ADAMTS3: variants seen among roughly 807,000 people sequenced by gnomAD.
The protein encoded by ADAMTS3 is A disintegrin and metalloproteinase with thrombospondin motifs 3.
A neutral mutation model predicts 129.0 loss-of-function variants in ADAMTS3; 73 were observed. The observed-to-expected ratio is 0.57, with a 90% CI of 0.47 to 0.69. The LOEUF (loss-of-function observed/expected upper bound fraction) is 0.69, where lower values mean the gene tolerates loss of function less well. ADAMTS3 is among the 30% of genes least tolerant of loss of function. ADAMTS3 has a pLI of 0.00. For synonymous variants in ADAMTS3, 477 were observed against 510.8 expected, an observed-to-expected ratio of 0.93 and a Z score of 0.89; for missense variants, 1,457 against 1,514.5, an observed-to-expected ratio of 0.96 and a Z score of 0.63.
chr4:72,370,416 T>G (rs997910470), intron 4 of ADAMTS3, among the ~76,000 whole-genome samples: 40 of 150,608 alleles, frequency 2.7e-4, no homozygotes, highest in Admixed American at 2.3e-3. Context: ...GCTTATTATA[T>G]CAATCTGCTT....
At chr4:72,448,190 C>T (rs541209932) in intron 3 of ADAMTS3, among the ~76,000 whole-genome samples, 79 of 151,788 alleles carry the variant, frequency 5.2e-4, no homozygotes, top group African/African-American at 1.9e-3. Flanking sequence ...TTTAAGTTTG[C>T]CAAAATCACG....
chr4:72,335,659 C>A (rs1560477231), intron 5 of ADAMTS3, among the ~76,000 whole-genome samples: 1 of 151,808 alleles, frequency 6.6e-6, no homozygotes, highest in East Asian at 1.9e-4. Context: ...TTAAAATTTA[C>A]CTAAATTTCA....
At chr4:72,495,602 T>A (rs1447954632) in intron 3 of ADAMTS3, among the ~76,000 whole-genome samples, 2 of 152,150 alleles carry the variant, frequency 1.3e-5, no homozygotes, top group Non-Finnish European at 2.9e-5. Flanking sequence ...CAGGTAAGGC[T>A]ACAAAGTTTA....
chr4:72,505,231 T>C lies in ADAMTS3; in HGVS notation c.504+43247A>G, dbSNP rs933374659. Among the ~76,000 whole-genome samples the C allele has an allele frequency of 3.3e-5, 5 of 152,184 alleles. No individual in the cohort carries two copies. In the East Asian group the frequency reaches 9.6e-4, roughly 29 times the overall value. The stretch of plus-strand genomic sequence containing the variant: ...TTATTTTCATGTGGGTAGGATTTTT[T>C]CTTTTTCTCTATAATACTGTTGTTT... On this transcript the variant is annotated intron_variant, in intron 3 of 21. Transcript: ENST00000286657.
intron 2 of ADAMTS3, among the ~76,000 whole-genome samples, chr4:72,560,570 C>A (rs1399510154): frequency 1.3e-5 from 2 of 152,128 alleles, no homozygotes; most frequent in Admixed American, 6.5e-5. Context: ...TTATCCTCAG[C>A]AAACTAACTC....
chr4:72,520,713 G>C (rs541808583), intron 3 of ADAMTS3, among the ~76,000 whole-genome samples: 1 of 152,110 alleles, frequency 6.6e-6, no homozygotes, highest in Non-Finnish European at 1.5e-5. Context: ...TATTCGGGTG[G>C]GATTGACCCG....
intron 3 of ADAMTS3, among the ~76,000 whole-genome samples, chr4:72,434,212 A>G (rs1378038982): frequency 6.6e-6 from 1 of 151,790 alleles, no homozygotes; most frequent in Non-Finnish European, 1.5e-5. Flanking sequence ...TTTTAGGTCC[A>G]AATATATGGT....
intron 4 of ADAMTS3, among the ~76,000 whole-genome samples, chr4:72,397,965 TAGA>T (rs1721768965): frequency 1.3e-5 from 2 of 152,066 alleles, no homozygotes. Flanking sequence ...TACTGCATTG[TAGA>T]AGAAGGAGAC....
chr4:72,451,196 GAGA>G (rs1161745227), intron 3 of ADAMTS3, among the ~76,000 whole-genome samples: 3 of 151,790 alleles, frequency 2.0e-5, no homozygotes, highest in South Asian at 2.1e-4. Context: ...TCTAAAACAG[GAGA>G]AGATCAAGTC....
intron 3 of ADAMTS3, among the ~76,000 whole-genome samples, chr4:72,520,708 G>A (rs371060321): frequency 7.9e-4 from 120 of 152,252 alleles, no homozygotes; most frequent in African/African-American, 2.8e-3. Context: ...CACAGTATTC[G>A]GGTGGGATTG....
chr4:72,320,671 A>G, intron 7 of ADAMTS3, 43 bp downstream of exon 7: 1 of 1,591,920 alleles, frequency 6.3e-7, no homozygotes, highest in South Asian at 1.1e-5. Context: ...ACTTTTTAAA[A>G]GTCATGCCCT....
rs755360703 is a variant in ADAMTS3 at position 72,309,484 on chromosome 4, C to A, written c.2092G>T (p.Val698Phe). 4 of 1,611,976 alleles carry A rather than the reference C, an allele frequency of 2.5e-6. No homozygotes were observed. In the South Asian group the frequency reaches 4.4e-5, roughly 18 times the overall value. ...CCACAGACACCACACTTATCCTCAA[C>A]CTTATTAGAACCAATTTCTTTATCA... ...GCDKEIGSNK[V>F]EDKCGVCGGD... The change falls in exon 15 of 22, where the codon GTT becomes TTT. Residue 698 changes from valine to phenylalanine, a missense_variant. By Grantham distance (50) the Val-to-Phe change is conservative (BLOSUM62 -1). Coordinates refer to ENST00000286657, the MANE Select transcript of ADAMTS3 (RefSeq NM_014243.3).
intron 2 of ADAMTS3, among the ~76,000 whole-genome samples, chr4:72,563,001 C>T (rs959493482): frequency 6.6e-6 from 1 of 152,076 alleles, no homozygotes; most frequent in Non-Finnish European, 1.5e-5. Context: ...TGGAATGGTT[C>T]CTAATGGATT....
rs187689123 is a variant in ADAMTS3 at position 72,281,398 on chromosome 4, A to G, written c.*1738T>C. ...ATTCTGTGCTTTGAGAGGTTAATTCATCTACATTTTAGTTTGTATAATATA... is the reference window on the plus strand; with the variant it reads ...ATTCTGTGCTTTGAGAGGTTAATTCGTCTACATTTTAGTTTGTATAATATA... On this transcript the variant is annotated 3_prime_UTR_variant, in exon 22 of 22. Coordinates refer to ENST00000286657, the MANE Select transcript of ADAMTS3 (RefSeq NM_014243.3). 6.5e-6 allele frequency: 1 copy of G among 152,744 alleles called. No individual in the cohort carries two copies. Among genetic ancestry groups the G allele is most frequent in the East Asian group, 1.9e-4 (1 of 5,194 alleles). 9.5% of individuals were successfully genotyped at this position (152,744 alleles called of 1,614,324 possible).
intron 2 of ADAMTS3, among the ~76,000 whole-genome samples, chr4:72,550,389 T>A (rs2109792131): frequency 6.6e-6 from 1 of 152,252 alleles, no homozygotes; most frequent in East Asian, 1.9e-4. Flanking sequence ...AGGCAATAAG[T>A]GAAATGCCAG....
At chr4:72,482,392 CA>C (rs201107948) in intron 3 of ADAMTS3, among the ~76,000 whole-genome samples, 694 of 143,922 alleles carry the variant, frequency 4.8e-3, no homozygotes, top group Middle Eastern at 0.014. Context: ...TTATGCAGAG[CA>C]AAAAAAAAAG....
At chr4:72,357,922 C>T (rs1025861242) in intron 4 of ADAMTS3, among the ~76,000 whole-genome samples, 29 of 151,750 alleles carry the variant, frequency 1.9e-4, no homozygotes, top group Admixed American at 1.8e-3. Flanking sequence ...GTAGAACATC[C>T]AAAAAAATTC....
At chr4:72,455,843 C>CTGTATATATACTA in intron 3 of ADAMTS3, among the ~76,000 whole-genome samples, 1 of 65,672 alleles carries the variant, frequency 1.5e-5, no homozygotes, top group South Asian at 3.3e-4. Context: ...AGTGTATATA[C>CTGTATATATACTA]TATATATTTT....
intron 4 of ADAMTS3, among the ~76,000 whole-genome samples, chr4:72,377,791 C>A (rs1721170601): frequency 6.6e-6 from 1 of 152,108 alleles, no homozygotes; most frequent in African/African-American, 2.4e-5. Flanking sequence ...AGTGTTGTCT[C>A]TATTTGTGCT....
Sources: gnomAD v4.1 joint callset for allele counts (sites outside exome capture counted in the v4.1 genomes callset) on GRCh38, gnomAD v4.1.1 for gene constraint, MANE v1.5 for transcripts, NCBI Gene and HGNC (gene_info 2026-07-23, HGNC 2026-07-21) for gene names.